MEIS1: variants seen among roughly 807,000 people sequenced by gnomAD.
MEIS1 encodes the protein homeobox protein Meis1.
In MEIS1, 5 loss-of-function variants were observed where a neutral mutation model predicts 50.8. That is an observed-to-expected ratio of 0.10 (90% CI 0.05 to 0.21). The LOEUF is 0.21. Among genes scored for constraint, MEIS1 ranks in the 10% least tolerant of loss-of-function variants. The pLI is 1.00. For synonymous variants in MEIS1, 176 were observed against 179.3 expected (o/e 0.98, Z 0.15); for missense variants, 318 against 517.3 (o/e 0.61, Z 3.74).
intron 7 of MEIS1, among the ~76,000 whole-genome samples, chr2:66,484,757 G>C (rs1233578435): frequency 6.6e-6 from 1 of 151,946 alleles, no homozygotes; most frequent in Non-Finnish European, 1.5e-5. Flanking sequence ...ACAAGATTTT[G>C]CCATGTTGGT....
chr2:66,555,280 C>CTCTCTCTCTCTTT (rs10695722), intron 9 of MEIS1, among the ~76,000 whole-genome samples: 2 of 133,848 alleles, frequency 1.5e-5, no homozygotes, highest in Non-Finnish European at 3.0e-5. Context: ...CTCTCTCTCT[C>CTCTCTCTCTCTTT]GTCTCTCTCC....
chr2:66,493,706 C>A (rs11897070), intron 7 of MEIS1, among the ~76,000 whole-genome samples: 15,698 of 152,128 alleles, frequency 0.1, 1,662 homozygotes, highest in African/African-American at 0.27. Context: ...AACTGTCTGA[C>A]TCCACCTTTT....
At chr2:66,467,656 G>A (rs1413796540) in intron 7 of MEIS1, among the ~76,000 whole-genome samples, 1 of 152,042 alleles carries the variant, frequency 6.6e-6, no homozygotes, top group African/African-American at 2.4e-5. Context: ...CATAAGATGT[G>A]TAATTACAAA....
intron 6 of MEIS1, among the ~76,000 whole-genome samples, chr2:66,463,720 A>G (rs1042684016): frequency 6.6e-6 from 1 of 152,160 alleles, no homozygotes; most frequent in Admixed American, 6.5e-5. Context: ...TATAAACCAC[A>G]GTGTTATAGA....
chr2:66,473,573 A>G (rs1672820318), intron 7 of MEIS1, among the ~76,000 whole-genome samples: 1 of 151,898 alleles, frequency 6.6e-6, no homozygotes, highest in African/African-American at 2.4e-5. Flanking sequence ...TCCGTTGGGA[A>G]CAAAGTTACA....
intron 7 of MEIS1, chr2:66,496,176 C>T (rs548099504): frequency 6.6e-6 from 1 of 152,178 alleles, no homozygotes; most frequent in African/African-American, 2.4e-5. Flanking sequence ...TCTGTGACTT[C>T]TTTCTCACCC....
At chr2:66,504,329 G>A (rs1212400496) in intron 7 of MEIS1, among the ~76,000 whole-genome samples, 1 of 152,076 alleles carries the variant, frequency 6.6e-6, no homozygotes, top group African/African-American at 2.4e-5. Context: ...CGCCTCCTGG[G>A]TTCAAGCGAT....
At chr2:66,536,848 A>G (rs919753336) in intron 8 of MEIS1, among the ~76,000 whole-genome samples, 4 of 152,214 alleles carry the variant, frequency 2.6e-5, no homozygotes, top group Non-Finnish European at 4.4e-5. Context: ...CACACAGTAC[A>G]TCTCAGCAGT....
chr2:66,440,712 G>C (rs1263233153), intron 4 of MEIS1, 100 bp downstream of exon 4: 1 of 775,286 alleles, frequency 1.3e-6, no homozygotes, highest in South Asian at 1.8e-5. Flanking sequence ...TTTCTAGACC[G>C]GTCTTCCCGT....
At chr2:66,437,506 C>G (rs1191981919) in intron 1 of MEIS1, 1 of 556,080 alleles carries the variant, frequency 1.8e-6, no homozygotes, top group African/African-American at 1.9e-5. Context: ...GATAGGGACA[C>G]AAGTTAGGGC....
At chr2:66,469,933 T>TAA (rs61373145) in intron 7 of MEIS1, among the ~76,000 whole-genome samples, 19,728 of 148,508 alleles carry the variant, frequency 0.13, 2,975 homozygotes, top group African/African-American at 0.37. Context: ...CAATTTTCTT[T>TAA]AAAAAAAAAA....
intron 8 of MEIS1, among the ~76,000 whole-genome samples, chr2:66,527,048 G>A (rs1384949747): frequency 2.0e-5 from 3 of 152,056 alleles, no homozygotes; most frequent in Admixed American, 6.5e-5. Flanking sequence ...AAAACTGTGG[G>A]GTGAATTTGC....
At chr2:66,549,243 C>T (rs1674860564) in intron 9 of MEIS1, among the ~76,000 whole-genome samples, 1 of 152,124 alleles carries the variant, frequency 6.6e-6, no homozygotes, top group East Asian at 1.9e-4. Context: ...AAGACACAGA[C>T]AGACTCACAT....
At chr2:66,518,391 C>CT (rs908649314) in intron 8 of MEIS1, among the ~76,000 whole-genome samples, 1 of 152,054 alleles carries the variant, frequency 6.6e-6, no homozygotes, top group African/African-American at 2.4e-5. Context: ...TAAAAATTTT[C>CT]TTTTTTTCCC....
chr2:66,523,472 A>G (rs59088239), intron 8 of MEIS1, among the ~76,000 whole-genome samples: 8,315 of 152,326 alleles, frequency 0.055, 294 homozygotes, highest in South Asian at 0.17. Context: ...CTGGAAGATT[A>G]GTTGCTTAGT....
At position 66,435,759 on chromosome 2, in the gene MEIS1, T is replaced by C; in HGVS notation, c.-98T>C. On this transcript the variant is annotated 5_prime_UTR_variant, in exon 1 of 13. Transcript: ENST00000272369. ...TTCGTCGTGCTTTTTTTTTTTTTTT[T>C]TTTTTTTTCCGGGGGAGTTTGAATA... 1.2e-6 allele frequency: 1 copy of C among 868,110 alleles called. No homozygotes were observed. 53.8% of individuals were successfully genotyped at this position (868,110 alleles called of 1,614,324 possible). A position where few individuals can be genotyped will look rare whatever the true frequency, so the allele number is the denominator to read the frequency against.
intron 9 of MEIS1, 82 bp downstream of exon 9, chr2:66,548,101 A>T: frequency 7.3e-7 from 1 of 1,370,660 alleles, no homozygotes; most frequent in Non-Finnish European, 1.0e-6. Flanking sequence ...TTAAGAAGAC[A>T]CACCCAGTTG....
chr2:66,559,747 C>G (rs749450247), intron 9 of MEIS1, among the ~76,000 whole-genome samples: 5 of 152,062 alleles, frequency 3.3e-5, no homozygotes, highest in South Asian at 2.1e-4. Context: ...TAAGGTTATA[C>G]AAACTCAAAT....
chr2:66,473,107 G>T (rs1573157382), intron 7 of MEIS1, among the ~76,000 whole-genome samples: 1 of 151,856 alleles, frequency 6.6e-6, no homozygotes, highest in African/African-American at 2.4e-5. Flanking sequence ...GGCCGGGCGC[G>T]GTGGCTCATG....
Sources: gnomAD v4.1 joint callset for allele counts (sites outside exome capture counted in the v4.1 genomes callset) on GRCh38, gnomAD v4.1.1 for gene constraint, MANE v1.5 for transcripts, NCBI Gene and HGNC (gene_info 2026-07-23, HGNC 2026-07-21) for gene names.